Variants in CTIF observed in about 807,000 individuals in gnomAD.
CTIF encodes CBP80/20-dependent translation initiation factor.
Under a neutral mutation model 66.0 loss-of-function variants are expected in CTIF, and 21 were observed. The ratio of observed to expected loss-of-function variants is 0.32; its 90% confidence interval spans 0.23 to 0.46. The LOEUF (loss-of-function observed/expected upper bound fraction) is 0.46, where lower values mean the gene tolerates loss of function less well. Ranked by LOEUF, CTIF falls within the 20% of genes least tolerant of loss-of-function variation. The probability of loss-of-function intolerance (pLI) is 1.00; values close to 1 mark genes in which losing one functional copy is unlikely to be tolerated. For synonymous variants in CTIF, 345 were observed against 326.4 expected, an observed-to-expected ratio of 1.06 and a Z score of -0.62; for missense variants, 739 against 812.7, an observed-to-expected ratio of 0.91 and a Z score of 1.10.
At chr18:48,762,592 G>A (rs758377426) in intron 9 of CTIF, among the ~76,000 whole-genome samples, 9 of 152,210 alleles carry the variant, frequency 5.9e-5, no homozygotes, top group Non-Finnish European at 1.3e-4. Flanking sequence ...AAGATACAAA[G>A]TGAGTTTCTG....
At chr18:48,640,233 G>A (rs975453398) in intron 3 of CTIF, among the ~76,000 whole-genome samples, 4 of 152,166 alleles carry the variant, frequency 2.6e-5, no homozygotes, top group South Asian at 4.1e-4. Context: ...GCACTCACGC[G>A]CCCAGGCAGA....
At chr18:48,751,520 G>C (rs1357240377) in intron 7 of CTIF, among the ~76,000 whole-genome samples, 1 of 152,246 alleles carries the variant, frequency 6.6e-6, no homozygotes, top group Non-Finnish European at 1.5e-5. Flanking sequence ...CCACAAGGAA[G>C]ATAGAGAGAA....
chr18:48,627,105 C>T (rs557786907), intron 2 of CTIF, among the ~76,000 whole-genome samples: 2 of 152,292 alleles, frequency 1.3e-5, no homozygotes, highest in East Asian at 3.9e-4. Flanking sequence ...CAAAGTTGTA[C>T]TTCTAGCATA....
At chr18:48,663,711 C>T (rs370286375) in intron 3 of CTIF, 41 bp from the exon 4 acceptor site, 29 of 1,584,266 alleles carry the variant, frequency 1.8e-5, no homozygotes, top group Middle Eastern at 1.7e-4. Flanking sequence ...GCATCCTGGC[C>T]GAGCAATTAA....
At chr18:48,841,786 G>A (rs546856652) in intron 10 of CTIF, among the ~76,000 whole-genome samples, 13 of 152,304 alleles carry the variant, frequency 8.5e-5, no homozygotes, top group Non-Finnish European at 1.5e-4. Flanking sequence ...TGGCTGATAA[G>A]GCCAGGCGGC....
At chr18:48,547,504 C>G (rs2088779410) in intron 1 of CTIF, among the ~76,000 whole-genome samples, 1 of 152,216 alleles carries the variant, frequency 6.6e-6, no homozygotes. Flanking sequence ...CTGACTGCAG[C>G]AGCGCTTGGT....
Position 48,636,651 on chromosome 18 carries a change from G to C in CTIF, c.218G>C (p.Cys73Ser). 1 of 1,601,784 alleles carries C rather than the reference G, an allele frequency of 6.2e-7. No homozygotes were observed. The highest frequency in any genetic ancestry group is 8.5e-7 in the Non-Finnish European group (1 of 1,175,140). ...ADCSEPLDSS[C>S]SFSRGRAPPQ... is the part of the protein sequence containing the mutation. Reference sequence around the variant, plus strand: ...TGCAGCGAACCGCTGGACAGCAGCTGTTCCTTCTCCCGAGGGCGAGCCCCC... The same window carrying C: ...TGCAGCGAACCGCTGGACAGCAGCTCTTCCTTCTCCCGAGGGCGAGCCCCC... The change falls in exon 3 of 12, where the codon TGT becomes TCT. Residue 73 changes from cysteine (C) to serine (S), a missense_variant. Around this residue, in one of 2 missense-constraint regions of CTIF, gnomAD observed 529 missense variants for 520.3 expected, o/e 1.02. Transcript: ENST00000256413.
intron 10 of CTIF, among the ~76,000 whole-genome samples, chr18:48,833,231 A>T (rs548627178): frequency 6.6e-6 from 1 of 152,324 alleles, no homozygotes; most frequent in South Asian, 2.1e-4. Context: ...TGGCTGGGAA[A>T]ATACCTGGAA....
At chr18:48,801,728 G>A (rs992482206) in intron 9 of CTIF, among the ~76,000 whole-genome samples, 3 of 152,210 alleles carry the variant, frequency 2.0e-5, no homozygotes, top group African/African-American at 7.2e-5. Flanking sequence ...TTGAAAGTAG[G>A]GTTTCAAAAG....
chr18:48,780,439 G>A (rs1432435161), intron 9 of CTIF, among the ~76,000 whole-genome samples: 1 of 152,170 alleles, frequency 6.6e-6, no homozygotes, highest in Non-Finnish European at 1.5e-5. Flanking sequence ...TCATGACCCC[G>A]TCATCTCGGT....
At chr18:48,551,014 C>T (rs2088869370) in intron 1 of CTIF, among the ~76,000 whole-genome samples, 1 of 151,640 alleles carries the variant, frequency 6.6e-6, no homozygotes, top group African/African-American at 2.4e-5. Flanking sequence ...ATTGTGTCCT[C>T]TCAAAATTCA....
At chr18:48,541,271 A>T (rs1418928216) in intron 1 of CTIF, among the ~76,000 whole-genome samples, 1 of 152,036 alleles carries the variant, frequency 6.6e-6, no homozygotes, top group East Asian at 1.9e-4. Flanking sequence ...CTGCGGCCCG[A>T]GGATTATCCC....
intron 1 of CTIF, among the ~76,000 whole-genome samples, chr18:48,560,773 A>T (rs1034505653): frequency 1.3e-5 from 2 of 149,940 alleles, no homozygotes; most frequent in Admixed American, 1.3e-4. Flanking sequence ...GGGTTCCACC[A>T]CGTTGCCCAG....
chr18:48,731,368 G>A (rs781404951), intron 7 of CTIF, among the ~76,000 whole-genome samples: 1 of 152,194 alleles, frequency 6.6e-6, no homozygotes, highest in Non-Finnish European at 1.5e-5. Context: ...AAATCCTTTG[G>A]AATAGGGAGA....
In CTIF at chr18:48,859,893, C is replaced by A; in HGVS notation, c.*334C>A. The A allele has an allele frequency of 1.9e-6, 1 of 532,678 alleles. No individual in the cohort carries two copies. Among genetic ancestry groups the A allele is most frequent in the Non-Finnish European group, 3.6e-6 (1 of 276,508 alleles). The allele number at this position is 532,678 out of a possible 1,614,324, so 33.0% of individuals were successfully genotyped here. ...CCACGGAGCTTTGTGTGAGGGATCT[C>A]ATCGCTGTGACTCCTCGGAGACCTT... On this transcript the variant is annotated 3_prime_UTR_variant, in exon 12 of 12. Transcript: ENST00000256413.
intron 1 of CTIF, among the ~76,000 whole-genome samples, chr18:48,586,556 C>G (rs2089773376): frequency 6.6e-6 from 1 of 152,216 alleles, no homozygotes; most frequent in Admixed American, 6.5e-5. Flanking sequence ...TAGGCGTGAG[C>G]CACCACGCCC....
At chr18:48,592,491 C>T (rs1440225009) in intron 1 of CTIF, among the ~76,000 whole-genome samples, 1 of 143,736 alleles carries the variant, frequency 7.0e-6, no homozygotes, top group Non-Finnish European at 1.5e-5. Flanking sequence ...GAGTGAAACC[C>T]TGTCTCAAAA....
At chr18:48,806,619 C>G (rs1482136126) in intron 9 of CTIF, among the ~76,000 whole-genome samples, 1 of 152,182 alleles carries the variant, frequency 6.6e-6, no homozygotes, top group African/African-American at 2.4e-5. Context: ...CCTTGTGCCT[C>G]GACTACCCCC....
Position 48,823,976 on chromosome 18 carries a change from C to CCACACACACACACACACACACACA in CTIF, c.1527+6615_1527+6638dup, listed in dbSNP as rs35554666. ...TTATATATAGAAAATCCTAAAGACT[C>CCACACACACACACACACACACACA]CACACACACACACACACACACACAC... is the stretch of plus-strand genomic sequence containing the variant. On this transcript the variant is annotated intron_variant, in intron 10 of 11. Coordinates refer to ENST00000256413, the MANE Select transcript of CTIF (RefSeq NM_014772.3). Among the ~76,000 whole-genome samples the CCACACACACACACACACACACACA allele has an allele frequency of 4.0e-5, 5 of 124,218 alleles. No individual in the cohort carries two copies. The East Asian group carries it at 9.9e-4, about 25-fold the overall frequency. The allele number at this position is 124,218 out of a possible 152,430, so 81.5% of individuals were successfully genotyped here.
Sources: allele counts gnomAD v4.1 joint callset (sites outside exome capture counted in the v4.1 genomes callset), GRCh38; gene constraint gnomAD v4.1.1; regional missense constraint gnomAD v4.1.1; transcripts MANE v1.5; gene names NCBI Gene and HGNC (gene_info 2026-07-23, HGNC 2026-07-21).